PTPN3: variants seen among roughly 807,000 people sequenced by gnomAD.
PTPN3 encodes tyrosine-protein phosphatase non-receptor type 3.
Under a neutral mutation model 132.7 loss-of-function variants are expected in PTPN3, and 96 were observed. The ratio of observed to expected loss-of-function variants is 0.72; its 90% CI spans 0.61 to 0.86. PTPN3 has a LOEUF of 0.86. Ranked by LOEUF, PTPN3 falls within the 40% of genes least tolerant of loss-of-function variation. The pLI is 0.00. For synonymous variants in PTPN3, 398 were observed against 429.0 expected, an observed-to-expected ratio of 0.93 and a Z score of 0.89; for missense variants, 1,125 against 1,159.6, an observed-to-expected ratio of 0.97 and a Z score of 0.43.
At chr9:109,497,775 G>C (rs1385364921) in intron 1 of PTPN3, among the ~76,000 whole-genome samples, 1 of 152,052 alleles carries the variant, frequency 6.6e-6, no homozygotes, top group Non-Finnish European at 1.5e-5. Flanking sequence ...ATTCGCCCTG[G>C]GAGCCGAGCG....
intron 1 of PTPN3, among the ~76,000 whole-genome samples, chr9:109,480,323 C>T (rs573696649): frequency 2.6e-5 from 4 of 152,188 alleles, no homozygotes; most frequent in African/African-American, 9.6e-5. Flanking sequence ...ACACACCACA[C>T]CTGGCTAATT....
intron 17 of PTPN3, among the ~76,000 whole-genome samples, chr9:109,407,683 C>T (rs1220072153): frequency 3.9e-5 from 6 of 152,010 alleles, no homozygotes; most frequent in African/African-American, 1.4e-4. Flanking sequence ...TAGCTGGGAT[C>T]ACACCTGTGT....
At chr9:109,458,684 C>T (rs771451149) in intron 2 of PTPN3, among the ~76,000 whole-genome samples, 9 of 152,104 alleles carry the variant, frequency 5.9e-5, no homozygotes, top group Non-Finnish European at 1.0e-4. Flanking sequence ...TGCCCAACAG[C>T]GCTTGTACCT....
At chr9:109,496,547 C>T (rs1273756577) in intron 1 of PTPN3, among the ~76,000 whole-genome samples, 4 of 152,180 alleles carry the variant, frequency 2.6e-5, no homozygotes, top group Non-Finnish European at 5.9e-5. Flanking sequence ...ACACCAGTCT[C>T]ACAAGGGAGT....
At chr9:109,449,969 C>T (rs574977153) in intron 5 of PTPN3, 174 of 984,976 alleles carry the variant, frequency 1.8e-4, no homozygotes, top group Non-Finnish European at 2.0e-4. Context: ...AGCCTCATAA[C>T]TCTGTAAGGT....
the PTPN3 span, among the ~76,000 whole-genome samples, chr9:109,528,407 G>A: frequency 6.6e-6 from 1 of 152,188 alleles, no homozygotes; most frequent in Admixed American, 6.5e-5. Flanking sequence ...AATGAAAAAG[G>A]TCAAACTACT....
At chr9:109,458,421 G>C (rs1249355952) in intron 2 of PTPN3, among the ~76,000 whole-genome samples, 1 of 152,210 alleles carries the variant, frequency 6.6e-6, no homozygotes, top group African/African-American at 2.4e-5. Context: ...GGAATCCTTT[G>C]AACCAAACCA....
At chr9:109,510,576 AATAT>A in the PTPN3 span, among the ~76,000 whole-genome samples, 30 of 47,324 alleles carry the variant, frequency 6.3e-4, no homozygotes, top group African/African-American at 1.8e-3. Context: ...AAAAAAAAAA[AATAT>A]ATATATATAT....
intron 14 of PTPN3, among the ~76,000 whole-genome samples, chr9:109,412,115 C>A (rs1045762631): frequency 5.3e-5 from 8 of 152,198 alleles, no homozygotes; most frequent in African/African-American, 1.7e-4. Context: ...AGTTACAAAA[C>A]AAGTTAAAAT....
intron 19 of PTPN3, among the ~76,000 whole-genome samples, chr9:109,396,015 C>T (rs10979853): frequency 0.25 from 37,257 of 151,974 alleles, 4,891 homozygotes; most frequent in Non-Finnish European, 0.29. Context: ...GCGTGCGCCA[C>T]CATGCCCAGC....
the PTPN3 span, chr9:109,533,330 G>A: frequency 2.1e-6 from 1 of 467,964 alleles, no homozygotes; most frequent in African/African-American, 2.0e-5. Context: ...ATTTTTAGTA[G>A]AGACGGGGTT....
chr9:109,379,334 C>T lies in PTPN3; in HGVS notation c.*222G>A. Reference sequence around the variant, plus strand: ...AAACTGAGATCCTTTTTGTATCTTTCCATAGAAATACAGGCCTAAATGATG... The same window carrying T: ...AAACTGAGATCCTTTTTGTATCTTTTCATAGAAATACAGGCCTAAATGATG... On this transcript the variant is annotated 3_prime_UTR_variant, in exon 26 of 26. Transcript: ENST00000374541. 3.7e-6 allele frequency: 2 copies of T among 538,136 alleles called. No individual in the cohort carries two copies. Among genetic ancestry groups the T allele is most frequent in the Non-Finnish European group, 6.6e-6 (2 of 302,572 alleles). 33.3% of individuals were successfully genotyped at this position (538,136 alleles called of 1,614,324 possible).
At chr9:109,521,841 C>T in the PTPN3 span, among the ~76,000 whole-genome samples, 2 of 152,132 alleles carry the variant, frequency 1.3e-5, no homozygotes, top group East Asian at 3.9e-4. Flanking sequence ...TATGTTAGAA[C>T]TAATATGAAT....
chr9:109,510,380 G>T, the PTPN3 span, among the ~76,000 whole-genome samples: 1 of 151,590 alleles, frequency 6.6e-6, no homozygotes, highest in African/African-American at 2.4e-5. Context: ...CCAACATGGA[G>T]AAACCCTGTC....
rs973821793 is a variant in PTPN3, at chr9:109,409,931, T to C, written c.1578+68A>G. 31 of 1,570,688 alleles carry C rather than the reference T, an allele frequency of 2.0e-5. No homozygotes were observed. The Admixed American group carries it at 3.7e-4, about 19-fold the overall frequency. On this transcript the variant is annotated intron_variant, in intron 16 of 25. Coordinates refer to ENST00000374541, the MANE Select transcript of PTPN3 (RefSeq NM_002829.4). ...GCTCAGGAATGCAGCACATTTGTAA[T>C]GCAAATTAAAAACTCATTGAAAGAT...
chr9:109,472,006 G>C (rs1036785650), intron 1 of PTPN3, among the ~76,000 whole-genome samples: 2 of 152,266 alleles, frequency 1.3e-5, no homozygotes, highest in South Asian at 2.1e-4. Context: ...TCACCTCCCA[G>C]AGCTAAATAG....
chr9:109,429,035 C>A, intron 10 of PTPN3: 1 of 985,432 alleles, frequency 1.0e-6, no homozygotes, highest in Non-Finnish European at 1.2e-6. Context: ...CATGGAGCAG[C>A]TGAAAGAGGA....
chr9:109,457,041 G>A (rs1392889754), intron 4 of PTPN3, 132 bp downstream of exon 4: 13 of 869,348 alleles, frequency 1.5e-5, no homozygotes, highest in East Asian at 1.0e-4. Flanking sequence ...GGGAGAAGTC[G>A]GCTCACTCAT....
At chr9:109,443,410 T>G (rs1036016301) in intron 7 of PTPN3, among the ~76,000 whole-genome samples, 4 of 152,108 alleles carry the variant, frequency 2.6e-5, no homozygotes, top group African/African-American at 9.7e-5. Context: ...AGGGTCCTAC[T>G]ATAATACCCA....
Sources: allele counts gnomAD v4.1 joint callset (sites outside exome capture counted in the v4.1 genomes callset), GRCh38; gene constraint gnomAD v4.1.1; transcripts MANE v1.5; gene names NCBI Gene and HGNC (gene_info 2026-07-23, HGNC 2026-07-21).